The following ROBO2 variants were observed in gnomAD, a reference collection of about 807,000 sequenced individuals.
ROBO2 encodes roundabout homolog 2.
ROBO2 carries 53 observed loss-of-function variants against 160.8 expected under a neutral mutation model. The ratio of observed to expected loss-of-function variants is 0.33; its 90% CI spans 0.26 to 0.41. The LOEUF (loss-of-function observed/expected upper bound fraction) is 0.41, where lower values mean the gene tolerates loss of function less well. ROBO2 is among the 10% of genes least tolerant of loss of function. The pLI is 1.00. For synonymous variants in ROBO2, 664 were observed against 611.7 expected (o/e 1.09, Z -1.26); for missense variants, 1,577 against 1,722.4 (o/e 0.92, Z 1.49).
At chr3:76,001,512 ATG>A (rs368446442) in intron 2 of ROBO2, among the ~76,000 whole-genome samples, 88 of 148,628 alleles carry the variant, frequency 5.9e-4, no homozygotes, top group Admixed American at 1.5e-3. Context: ...TTATTTGAAT[ATG>A]TGTGTGTGTG....
In ROBO2 at chr3:76,978,937, TG is replaced by T. The variant is rs750776953; in HGVS notation, c.110-119076del. On this transcript the variant is annotated intron_variant, in intron 2 of 26. Coordinates refer to the ROBO2 transcript ENST00000487694. ...TTAGAGTTTTTTTTGTTTGTTTGTT[TG>T]TTTTTTAAAAAAAAAAAAAAGAAAA... 3.2e-3 allele frequency among the ~76,000 whole-genome samples: 469 copies of T among 148,830 alleles called. 2 individuals carry two copies. Among genetic ancestry groups the T allele is most frequent in the East Asian group, 0.021 (105 of 5,106 alleles).
upstream of ROBO2, among the ~76,000 whole-genome samples, chr3:77,039,602 C>T (rs11919722): frequency 1.3e-5 from 2 of 151,920 alleles, no homozygotes; most frequent in East Asian, 2.0e-4. Context: ...CCTCGGCCCT[C>T]GGCAGCCGGC....
At chr3:76,691,253 C>A (rs1194877538) in intron 2 of ROBO2, among the ~76,000 whole-genome samples, 1 of 152,008 alleles carries the variant, frequency 6.6e-6, no homozygotes, top group Non-Finnish European at 1.5e-5. Flanking sequence ...ACTTTCCCTT[C>A]CACCATGTTA....
At chr3:76,609,215 C>A (rs1440081170) in intron 2 of ROBO2, among the ~76,000 whole-genome samples, 1 of 152,012 alleles carries the variant, frequency 6.6e-6, no homozygotes, top group Non-Finnish European at 1.5e-5. Context: ...TTTCATTTGT[C>A]TATATGTCTG....
At position 76,920,035 on chromosome 3, in the gene ROBO2, A is replaced by G. The variant is rs118167909; in HGVS notation, c.110-177979A>G. Among the ~76,000 whole-genome samples the G allele has an allele frequency of 9.6e-4, 147 of 152,358 alleles. 3 individuals are homozygous for G. In the East Asian group the frequency reaches 0.026, roughly 27 times the overall value. ...TTTGTAAAGCCCAGTGCAAAATAAA[A>G]ATATAGAGTCCCTTGTTTAAACAGC... is the stretch of plus-strand genomic sequence containing the variant. On this transcript the variant is annotated intron_variant, in intron 2 of 26. Transcript: ENST00000487694.
chr3:77,628,226 G>A (rs918105928), intron 23 of ROBO2, among the ~76,000 whole-genome samples: 1 of 152,106 alleles, frequency 6.6e-6, no homozygotes, highest in Admixed American at 6.5e-5. Flanking sequence ...TATTGATTAT[G>A]TTTGGGGCTG....
At chr3:76,675,270 A>T (rs2092378087) in intron 2 of ROBO2, among the ~76,000 whole-genome samples, 2 of 152,176 alleles carry the variant, frequency 1.3e-5, no homozygotes, top group South Asian at 4.2e-4. Context: ...TCTTGCAAGG[A>T]CTAGCTGAGA....
At chr3:77,371,402 C>G (rs923256894) in intron 2 of ROBO2, among the ~76,000 whole-genome samples, 3 of 152,098 alleles carry the variant, frequency 2.0e-5, no homozygotes, top group Non-Finnish European at 4.4e-5. Context: ...CCTCCCTTCT[C>G]CCTTTACATC....
At chr3:76,394,669 G>C (rs184085395) in intron 2 of ROBO2, among the ~76,000 whole-genome samples, 70 of 152,008 alleles carry the variant, frequency 4.6e-4, no homozygotes, top group Admixed American at 1.6e-3. Flanking sequence ...TGTTGGCAGG[G>C]GTTGCAATCC....
intron 2 of ROBO2, among the ~76,000 whole-genome samples, chr3:77,233,042 T>C (rs2087434303): frequency 6.6e-6 from 1 of 152,140 alleles, no homozygotes; most frequent in African/African-American, 2.4e-5. Context: ...GCTTACAATA[T>C]AAGCAGGTGG....
chr3:76,777,215 C>G (rs937310583), intron 2 of ROBO2, among the ~76,000 whole-genome samples: 1 of 151,068 alleles, frequency 6.6e-6, no homozygotes, highest in South Asian at 2.1e-4. Flanking sequence ...TACACTGATT[C>G]GAAGTCATAC....
chr3:75,925,603 G>A (rs1331641169), intron 1 of ROBO2, among the ~76,000 whole-genome samples: 2 of 152,254 alleles, frequency 1.3e-5, no homozygotes, highest in East Asian at 3.9e-4. Flanking sequence ...TCCAGGGAGG[G>A]TTGAAGTTTT....
intron 2 of ROBO2, among the ~76,000 whole-genome samples, chr3:76,723,245 A>G (rs989141640): frequency 6.6e-6 from 1 of 152,188 alleles, no homozygotes; most frequent in African/African-American, 2.4e-5. Context: ...ATATGCTATT[A>G]AGGTAAGTTT....
At chr3:76,903,334 AT>A (rs1217513306) in intron 2 of ROBO2, among the ~76,000 whole-genome samples, 1 of 152,064 alleles carries the variant, frequency 6.6e-6, no homozygotes, top group Non-Finnish European at 1.5e-5. Context: ...TCCTTCTTCA[AT>A]CCTTAAATGC....
intron 2 of ROBO2, among the ~76,000 whole-genome samples, chr3:77,028,952 G>T (rs1394435027): frequency 6.6e-6 from 1 of 152,062 alleles, no homozygotes; most frequent in African/African-American, 2.4e-5. Flanking sequence ...ACAACACAAG[G>T]CACTGAGTAT....
chr3:76,501,925 G>A (rs2080482845), intron 2 of ROBO2, among the ~76,000 whole-genome samples: 1 of 152,114 alleles, frequency 6.6e-6, no homozygotes, highest in African/African-American at 2.4e-5. Flanking sequence ...GTTTCTGGAA[G>A]AGATTGATCA....
chr3:76,036,954 GTTT>G (rs1188047335), intron 2 of ROBO2, among the ~76,000 whole-genome samples: 1 of 151,962 alleles, frequency 6.6e-6, no homozygotes, highest in Admixed American at 6.5e-5. Context: ...ACCCATGCTT[GTTT>G]TTCAGTGTGT....
At chr3:77,455,278 A>G (rs565693935) in intron 2 of ROBO2, among the ~76,000 whole-genome samples, 4 of 152,332 alleles carry the variant, frequency 2.6e-5, no homozygotes, top group Admixed American at 6.5e-5. Flanking sequence ...GTGTTTCAGC[A>G]GTTACAATCA....
chr3:77,061,793 T>C lies in ROBO2; in HGVS notation c.61+20947T>C, dbSNP rs1055216965. Reference sequence around the variant, plus strand: ...TTTAACAGGATTACTGAGTTCCGGGTGGAACCAATTAACATATAGGGACAA... The same window carrying C: ...TTTAACAGGATTACTGAGTTCCGGGCGGAACCAATTAACATATAGGGACAA... On this transcript the variant is annotated intron_variant, in intron 1 of 25. Transcript: ENST00000461745. 6.6e-5 allele frequency among the ~76,000 whole-genome samples: 10 copies of C among 152,246 alleles called. No homozygotes were observed. In the East Asian group the frequency reaches 1.2e-3, roughly 18 times the overall value.
Sources: gnomAD v4.1 joint callset for allele counts (sites outside exome capture counted in the v4.1 genomes callset) on GRCh38, gnomAD v4.1.1 for gene constraint, MANE v1.5 for transcripts, NCBI Gene and HGNC (gene_info 2026-07-23, HGNC 2026-07-21) for gene names.